The following GATB variants were observed in gnomAD, a reference collection of about 807,000 sequenced individuals.
GATB encodes the protein glutamyl-tRNA(Gln) amidotransferase subunit B, mitochondrial.
In GATB, 39 loss-of-function variants were observed where a neutral mutation model predicts 62.3. The observed-to-expected ratio is 0.63, with a 90% CI of 0.48 to 0.82. GATB has a LOEUF of 0.82. GATB is among the 40% of genes least tolerant of loss of function. GATB has a pLI of 0.00. For missense variants in GATB, 670 were observed against 684.0 expected (o/e 0.98, Z 0.23); for synonymous variants, 276 against 258.9 (o/e 1.07, Z -0.63).
intron 2 of GATB, among the ~76,000 whole-genome samples, chr4:151,749,470 T>G (rs1197425274): frequency 3.2e-5 from 4 of 123,570 alleles, no homozygotes; most frequent in Non-Finnish European, 4.7e-5. Context: ...TAAGAACACT[T>G]GGACACAGGA....
chr4:151,713,671 G>A lies in GATB; in HGVS notation c.763+2338C>T, dbSNP rs570227511. 4.6e-5 allele frequency among the ~76,000 whole-genome samples: 7 copies of A among 152,316 alleles called. No homozygotes were observed. The East Asian group carries it at 1.4e-3, about 29-fold the overall frequency. On this transcript the variant is annotated intron_variant, in intron 5 of 12. Transcript: ENST00000263985. Reference sequence around the variant, plus strand: ...ACCTACAGCTAGAAGTTGCAGGACAGGATTCCAAGCCAGATCCAGGACCTG... The same window carrying A: ...ACCTACAGCTAGAAGTTGCAGGACAAGATTCCAAGCCAGATCCAGGACCTG...
intron 10 of GATB, among the ~76,000 whole-genome samples, chr4:151,685,619 G>A (rs1295982387): frequency 2.0e-5 from 3 of 152,102 alleles, no homozygotes; most frequent in Non-Finnish European, 4.4e-5. Flanking sequence ...AAATCCTGTT[G>A]AGCCTTGAAG....
At chr4:151,749,933 G>A (rs1235160574) in intron 2 of GATB, among the ~76,000 whole-genome samples, 6 of 152,056 alleles carry the variant, frequency 3.9e-5, no homozygotes. Flanking sequence ...CCAGGCTGGA[G>A]TGCAGTGGCG....
At chr4:151,681,080 G>A (rs1368262424) in intron 10 of GATB, among the ~76,000 whole-genome samples, 2 of 152,158 alleles carry the variant, frequency 1.3e-5, no homozygotes, top group Admixed American at 1.3e-4. Context: ...TTTAAGTCTT[G>A]GTTCCCATCA....
intron 12 of GATB, among the ~76,000 whole-genome samples, chr4:151,671,846 G>T (rs1405120952): frequency 6.6e-6 from 1 of 152,162 alleles, no homozygotes; most frequent in Non-Finnish European, 1.5e-5. Flanking sequence ...GAAGCCAGGA[G>T]GTGCTGAATT....
In GATB at chr4:151,703,844, TA is replaced by T. The variant is rs1164088516; in HGVS notation, c.1007+6del. The T allele has an allele frequency of 8.8e-6, 14 of 1,583,730 alleles. No individual in the cohort carries two copies. The highest frequency in any genetic ancestry group is 1.0e-5 in the Non-Finnish European group (12 of 1,152,318). ...TATAGCGGTATTTTGCCATAAGGAG[TA>T]ACCACCTGTAGTCCTGTTTTCCTTC... On this transcript the variant is annotated splice_donor_region_variant and intron_variant, in intron 8 of 12. Coordinates refer to ENST00000263985, the MANE Select transcript of GATB (RefSeq NM_004564.3).
chr4:151,740,682 A>G (rs945230434), intron 2 of GATB, among the ~76,000 whole-genome samples: 1 of 152,212 alleles, frequency 6.6e-6, no homozygotes, highest in Non-Finnish European at 1.5e-5. Context: ...AAGAAACCCA[A>G]GAGGGCAGCT....
At chr4:151,756,156 C>T (rs1739824389) in intron 2 of GATB, among the ~76,000 whole-genome samples, 1 of 152,180 alleles carries the variant, frequency 6.6e-6, no homozygotes. Context: ...AAGCCCTGCG[C>T]AGAAAGAGTT....
chr4:151,714,063 A>G lies in GATB; in HGVS notation c.763+1946T>C, dbSNP rs1738868690. On this transcript the variant is annotated intron_variant, in intron 5 of 12. Coordinates refer to ENST00000263985, the MANE Select transcript of GATB (RefSeq NM_004564.3). Reference sequence around the variant, plus strand: ...TATTATTATCGTTGAAACACTTAGCATGTCTACTTCTGTACACATTCAACT... The same window carrying G: ...TATTATTATCGTTGAAACACTTAGCGTGTCTACTTCTGTACACATTCAACT... Among the ~76,000 whole-genome samples the G allele has an allele frequency of 2.0e-5, 3 of 152,234 alleles. No homozygotes were observed. The South Asian group carries it at 6.2e-4, about 32-fold the overall frequency.
At chr4:151,691,935 A>G (rs1738373411) in intron 9 of GATB, among the ~76,000 whole-genome samples, 1 of 152,228 alleles carries the variant, frequency 6.6e-6, no homozygotes, top group Non-Finnish European at 1.5e-5. Flanking sequence ...AGGGACCCCC[A>G]GATGAGCCAT....
At chr4:151,704,403 GC>G (rs1464009377) in intron 7 of GATB, among the ~76,000 whole-genome samples, 4 of 152,030 alleles carry the variant, frequency 2.6e-5, no homozygotes, top group African/African-American at 4.8e-5. Flanking sequence ...GTCACTTCAA[GC>G]CTCCTGGCAG....
chr4:151,735,160 G>A (rs1462732416), intron 2 of GATB, among the ~76,000 whole-genome samples: 1 of 148,954 alleles, frequency 6.7e-6, no homozygotes, highest in Non-Finnish European at 1.5e-5. Context: ...CAAAGTGGGA[G>A]AAAATCTTCA....
intron 7 of GATB, among the ~76,000 whole-genome samples, 167 bp downstream of exon 7, chr4:151,705,018 A>T (rs1738686495): frequency 6.6e-6 from 1 of 152,176 alleles, no homozygotes; most frequent in African/African-American, 2.4e-5. Flanking sequence ...AAGTGCTGGG[A>T]TTACAGGCAT....
intron 6 of GATB, among the ~76,000 whole-genome samples, chr4:151,707,281 GA>G (rs1385050386): frequency 6.6e-6 from 1 of 152,070 alleles, no homozygotes; most frequent in Non-Finnish European, 1.5e-5. Flanking sequence ...AGTCTGCTTT[GA>G]ATTCAATGTA....
At chr4:151,712,110 G>T (rs1738829808) in intron 5 of GATB, among the ~76,000 whole-genome samples, 1 of 152,152 alleles carries the variant, frequency 6.6e-6, no homozygotes, top group South Asian at 2.1e-4. Context: ...ATTCTAATTT[G>T]GAAGAGGAAT....
rs558519682 is a variant in GATB, at chr4:151,719,846, T to C, written c.328-308A>G. 8 of 260,982 alleles carry C rather than the reference T, an allele frequency of 3.1e-5. No homozygotes were observed. The South Asian group carries it at 4.0e-4, about 13-fold the overall frequency. 16.2% of individuals were successfully genotyped at this position (260,982 alleles called of 1,614,324 possible). On this transcript the variant is annotated intron_variant, in intron 2 of 12. Transcript: ENST00000263985. ...AGAGTCGCAGAAAAGCTTAGCGGAGTGGTTACTACATAGAATAAATCTAAT... is the reference window on the plus strand; with the variant it reads ...AGAGTCGCAGAAAAGCTTAGCGGAGCGGTTACTACATAGAATAAATCTAAT...
intron 9 of GATB, among the ~76,000 whole-genome samples, chr4:151,699,109 G>A (rs1219466179): frequency 2.0e-5 from 3 of 152,104 alleles, no homozygotes; most frequent in Non-Finnish European, 2.9e-5. Context: ...GCTGAACCAG[G>A]CCGGGTGTGG....
At chr4:151,751,056 C>T (rs1278808840) in intron 2 of GATB, among the ~76,000 whole-genome samples, 1 of 151,962 alleles carries the variant, frequency 6.6e-6, no homozygotes, top group Non-Finnish European at 1.5e-5. Flanking sequence ...GTCATGTCTC[C>T]CCCAGGGAAG....
chr4:151,720,543 G>A (rs1739007453), intron 2 of GATB: 1 of 152,194 alleles, frequency 6.6e-6, no homozygotes, highest in Admixed American at 6.5e-5. Context: ...ATTTTTGTTA[G>A]GATATTTATG....
Sources: gnomAD v4.1 joint callset for allele counts (sites outside exome capture counted in the v4.1 genomes callset) on GRCh38, gnomAD v4.1.1 for gene constraint, MANE v1.5 for transcripts, NCBI Gene and HGNC (gene_info 2026-07-23, HGNC 2026-07-21) for gene names.